Variants in PAX5 observed in about 807,000 individuals in gnomAD.
PAX5 encodes the protein paired box 5, also known as paired box protein Pax-5.
A neutral mutation model predicts 43.7 loss-of-function variants in PAX5; 9 were observed. The ratio of observed to expected loss-of-function variants is 0.21; its 90% CI spans 0.12 to 0.36. The LOEUF is 0.36. PAX5 is among the 10% of genes least tolerant of loss of function. PAX5 has a pLI of 1.00. For missense variants in PAX5, 383 were observed against 532.7 expected (o/e 0.72, Z 2.77); for synonymous variants, 228 against 214.3 (o/e 1.06, Z -0.56).
intron 1 of PAX5, among the ~76,000 whole-genome samples, chr9:37,031,558 T>C (rs889540425): frequency 3.3e-5 from 5 of 152,080 alleles, no homozygotes; most frequent in Non-Finnish European, 7.4e-5. Flanking sequence ...AGGGGGTCCA[T>C]GGAGAGAGGG....
Position 36,837,183 on chromosome 9 carries a change from T to C in PAX5, c.*3377A>G, listed in dbSNP as rs1821701486. Reference sequence around the variant, plus strand: ...GAATGGGGCCTGGAGATCTGAGAATTCACTTCGCCTCTATGTTGCCGTGAG... The same window carrying C: ...GAATGGGGCCTGGAGATCTGAGAATCCACTTCGCCTCTATGTTGCCGTGAG... On this transcript the variant is annotated 3_prime_UTR_variant, in exon 10 of 10. Transcript: ENST00000358127. 4 of 232,942 alleles carry C rather than the reference T, an allele frequency of 1.7e-5. No homozygotes were observed. Among genetic ancestry groups the C allele is most frequent in the Non-Finnish European group, 3.4e-5 (4 of 117,938 alleles). 14.4% of individuals were successfully genotyped at this position (232,942 alleles called of 1,614,324 possible).
intron 8 of PAX5, among the ~76,000 whole-genome samples, chr9:36,872,669 A>G (rs571945889): frequency 2.6e-5 from 4 of 152,128 alleles, no homozygotes; most frequent in African/African-American, 9.7e-5. Context: ...ACATGTGTGT[A>G]TCAGTTTCTC....
rs1821871065 is a variant in PAX5 at position 36,839,388 on chromosome 9, A to G, written c.*1172T>C. The G allele has an allele frequency of 4.3e-6, 1 of 233,602 alleles. No homozygotes were observed. Among genetic ancestry groups the G allele is most frequent in the African/African-American group, 2.2e-5 (1 of 45,378 alleles). 14.5% of individuals were successfully genotyped at this position (233,602 alleles called of 1,614,324 possible). ...CCCCAGCCCCAGCACCTCCATGCCC[A>G]GCTGCCTGCTAAGCTCCACGAGGAC... On this transcript the variant is annotated 3_prime_UTR_variant, in exon 10 of 10. Transcript: ENST00000358127.
rs1837617896 is a variant in PAX5 at position 36,998,887 on chromosome 9, G to A, written c.604+3761C>T. 2.0e-5 allele frequency among the ~76,000 whole-genome samples: 3 copies of A among 152,144 alleles called. No homozygotes were observed. In the South Asian group the frequency reaches 6.2e-4, roughly 32 times the overall value. The stretch of plus-strand genomic sequence containing the variant: ...ACATGTTGAAATGATGATATTTGGG[G>A]TATACTGGATTAAATAAAATATATT... On this transcript the variant is annotated intron_variant, in intron 5 of 9. Transcript: ENST00000358127.
chr9:36,880,104 T>A (rs1017559163), intron 8 of PAX5, among the ~76,000 whole-genome samples: 1 of 152,252 alleles, frequency 6.6e-6, no homozygotes, highest in Non-Finnish European at 1.5e-5. Flanking sequence ...AAATACATCT[T>A]CGAAACAACC....
intron 7 of PAX5, chr9:36,922,822 C>G (rs1830281673): frequency 6.5e-6 from 1 of 154,242 alleles, no homozygotes; most frequent in Admixed American, 6.4e-5. Flanking sequence ...AGTGCACCTC[C>G]AGGACCCACA....
chr9:37,018,791 C>A (rs1298133962), intron 2 of PAX5, among the ~76,000 whole-genome samples: 1 of 152,146 alleles, frequency 6.6e-6, no homozygotes, highest in Non-Finnish European at 1.5e-5. Flanking sequence ...CTTCCGAGTG[C>A]CACTCTACCT....
chr9:36,865,265 A>G (rs986085213), intron 8 of PAX5, among the ~76,000 whole-genome samples: 1 of 151,966 alleles, frequency 6.6e-6, no homozygotes, highest in African/African-American at 2.4e-5. Flanking sequence ...CGAGTCAGCA[A>G]CCCTCAGCTT....
At position 36,882,052 on chromosome 9, in the gene PAX5, C is replaced by T. The variant is rs34810717; in HGVS notation, c.964G>A (p.Ala322Thr). The T allele has an allele frequency of 0.013, 20,471 of 1,611,354 alleles. 160 individuals are homozygous for T. The highest frequency in any genetic ancestry group is 0.015 in the Non-Finnish European group (18,053 of 1,178,328). Residue 322 changes from alanine to threonine, a missense_variant, in exon 8 of 10, where the codon GCT becomes ACT. Physicochemically the swap from Ala to Thr is moderately conservative, Grantham distance 58. Around this residue, in one of 5 missense-constraint regions of PAX5, gnomAD observed 291 missense variants for 342.5 expected, o/e 0.85. Transcript: ENST00000358127. This position sits in a 1 kb window ranked among gnomAD's most constrained non-coding sequence, Gnocchi z 4.4. The part of the protein sequence containing the change: ...LPGYPPHVPP[A>T]GQGSYSAPTL... ...GGTGCTGAGTAGCTGCCCTGTCCAG[C>T]GGGGGGGACGTGTGGAGGGTACCCG...
At chr9:36,863,298 C>G (rs1018096200) in intron 8 of PAX5, among the ~76,000 whole-genome samples, 2 of 152,216 alleles carry the variant, frequency 1.3e-5, no homozygotes, top group African/African-American at 4.8e-5. Flanking sequence ...GGGTCTCACT[C>G]TGTCGCCCAG....
At chr9:36,975,151 C>T (rs1444681295) in intron 5 of PAX5, among the ~76,000 whole-genome samples, 1 of 152,198 alleles carries the variant, frequency 6.6e-6, no homozygotes, top group African/African-American at 2.4e-5. Flanking sequence ...TGAACTCAGT[C>T]CTCTTGGAAC....
chr9:36,868,563 A>G (rs75826743), intron 8 of PAX5, among the ~76,000 whole-genome samples: 1,901 of 152,228 alleles, frequency 0.012, 19 homozygotes, highest in Middle Eastern at 0.027. Context: ...GGAGAAAGGA[A>G]TATACCAGAA....
At chr9:36,886,804 C>T (rs987317774) in intron 7 of PAX5, among the ~76,000 whole-genome samples, 2 of 152,098 alleles carry the variant, frequency 1.3e-5, no homozygotes, top group Admixed American at 6.5e-5. Context: ...AACATAATTC[C>T]TCCTATTAAT....
intron 5 of PAX5, among the ~76,000 whole-genome samples, chr9:36,993,040 T>C (rs1386701511): frequency 6.6e-6 from 1 of 152,254 alleles, no homozygotes; most frequent in Non-Finnish European, 1.5e-5. Context: ...TTAATGCTAA[T>C]GTGTGATTTG....
At chr9:37,017,338 G>A (rs1839467027) in intron 2 of PAX5, among the ~76,000 whole-genome samples, 1 of 152,214 alleles carries the variant, frequency 6.6e-6, no homozygotes, top group Non-Finnish European at 1.5e-5. Context: ...CCCTTCTGTA[G>A]TTAGGGACAG....
intron 7 of PAX5, among the ~76,000 whole-genome samples, chr9:36,896,844 C>T (rs1827912250): frequency 6.6e-6 from 1 of 152,214 alleles, no homozygotes; most frequent in Admixed American, 6.5e-5. Flanking sequence ...CAGGGAACTC[C>T]ATGTGGGGAC....
intron 5 of PAX5, among the ~76,000 whole-genome samples, chr9:36,967,787 A>G (rs1219079346): frequency 6.6e-6 from 1 of 152,216 alleles, no homozygotes; most frequent in African/African-American, 2.4e-5. Flanking sequence ...GTTTGGTTTC[A>G]GAAGTTTGAA....
At position 36,883,594 on chromosome 9, in the gene PAX5, C is replaced by T. The variant is rs148006401; in HGVS notation, c.911-1489G>A. On this transcript the variant is annotated intron_variant, in intron 7 of 9. Transcript: ENST00000358127. ...GCTGAGGCAGGAGAATCGCTTGAAC[C>T]TAAGTGGTGTAGGTTGCAGTGAGCT... Among the ~76,000 whole-genome samples the T allele has an allele frequency of 4.3e-3, 657 of 152,182 alleles. 6 individuals carry two copies. The highest frequency in any genetic ancestry group is 0.015 in the African/African-American group (632 of 41,514).
At chr9:36,972,775 C>T (rs1262154498) in intron 5 of PAX5, among the ~76,000 whole-genome samples, 2 of 152,154 alleles carry the variant, frequency 1.3e-5, no homozygotes, top group African/African-American at 4.8e-5. Flanking sequence ...TGCCTATAAT[C>T]CCAGCACTTT....
Sources: gnomAD v4.1 joint callset for allele counts (sites outside exome capture counted in the v4.1 genomes callset) on GRCh38, gnomAD v4.1.1 for gene constraint, gnomAD v4.1.1 regional missense constraint, Gnocchi (gnomAD v3.1) non-coding constraint, MANE v1.5 for transcripts, NCBI Gene and HGNC (gene_info 2026-07-23, HGNC 2026-07-21) for gene names.